MACROD2: variants seen among roughly 807,000 people sequenced by gnomAD.
MACROD2 encodes the protein mono-ADP ribosylhydrolase 2, also known as ADP-ribose glycohydrolase MACROD2.
MACROD2 carries 36 observed loss-of-function variants against 70.4 expected under a neutral mutation model. The observed-to-expected ratio is 0.51, with a 90% CI of 0.39 to 0.68. The LOEUF (loss-of-function observed/expected upper bound fraction) is 0.68, where lower values mean the gene tolerates loss of function less well. Among genes scored for constraint, MACROD2 ranks in the 30% least tolerant of loss-of-function variants. The probability of loss-of-function intolerance (pLI) is 0.00; values close to 1 mark genes in which losing one functional copy is unlikely to be tolerated. For missense variants in MACROD2, 496 were observed against 538.4 expected, an observed-to-expected ratio of 0.92 and a Z score of 0.78; for synonymous variants, 172 against 178.8, an observed-to-expected ratio of 0.96 and a Z score of 0.30.
At chr20:14,265,029 C>T (rs1489972704) in intron 3 of MACROD2, among the ~76,000 whole-genome samples, 1 of 152,182 alleles carries the variant, frequency 6.6e-6, no homozygotes, top group Non-Finnish European at 1.5e-5. Flanking sequence ...TGTTTAGTAG[C>T]CTTTGCTCAG....
intron 4 of MACROD2, among the ~76,000 whole-genome samples, chr20:14,675,949 CAA>C (rs1292924020): frequency 6.6e-6 from 1 of 151,778 alleles, no homozygotes; most frequent in Non-Finnish European, 1.5e-5. Context: ...AAAAAAAAGA[CAA>C]AGGCATTACA....
intron 3 of MACROD2, among the ~76,000 whole-genome samples, chr20:14,110,458 G>C (rs937041046): frequency 1.4e-4 from 21 of 151,968 alleles, no homozygotes; most frequent in African/African-American, 5.1e-4. Context: ...TTTTCAGATG[G>C]TATGATCTTA....
intron 3 of MACROD2, among the ~76,000 whole-genome samples, chr20:14,268,307 T>C (rs2082161194): frequency 6.6e-6 from 1 of 152,156 alleles, no homozygotes. Flanking sequence ...ATTTTATCAG[T>C]TGTGTCAAAA....
intron 8 of MACROD2, among the ~76,000 whole-genome samples, chr20:15,539,710 G>A (rs572259117): frequency 2.0e-5 from 3 of 152,280 alleles, no homozygotes; most frequent in East Asian, 3.9e-4. Flanking sequence ...TTCTTGAGCC[G>A]GGCACGGTGG....
intron 8 of MACROD2, among the ~76,000 whole-genome samples, chr20:15,576,556 T>TA (rs2048450815): frequency 6.6e-6 from 1 of 151,534 alleles, no homozygotes; most frequent in Non-Finnish European, 1.5e-5. Flanking sequence ...CAAAATGTTT[T>TA]TTTTTTTTCT....
At chr20:14,194,622 G>C (rs545466395) in intron 3 of MACROD2, among the ~76,000 whole-genome samples, 7 of 152,308 alleles carry the variant, frequency 4.6e-5, no homozygotes, top group African/African-American at 1.7e-4. Flanking sequence ...GTAAGTGACA[G>C]CTTCCCCTGA....
At chr20:15,393,205 T>C (rs955100973) in intron 6 of MACROD2, among the ~76,000 whole-genome samples, 7 of 152,200 alleles carry the variant, frequency 4.6e-5, no homozygotes, top group Non-Finnish European at 7.3e-5. Flanking sequence ...CACAGCATCT[T>C]GGGTGCTACA....
chr20:14,910,710 T>C (rs549087527), intron 5 of MACROD2, among the ~76,000 whole-genome samples: 7 of 152,302 alleles, frequency 4.6e-5, no homozygotes, highest in African/African-American at 1.7e-4. Context: ...TCTTTGCATC[T>C]TGGAGACTCA....
intron 7 of MACROD2, among the ~76,000 whole-genome samples, chr20:15,497,751 C>G (rs1309417746): frequency 1.3e-5 from 2 of 152,136 alleles, no homozygotes; most frequent in Non-Finnish European, 2.9e-5. Context: ...CTCAAATATT[C>G]TATTATTTCC....
chr20:14,075,433 T>C (rs1398756597), intron 2 of MACROD2, among the ~76,000 whole-genome samples: 1 of 152,186 alleles, frequency 6.6e-6, no homozygotes, highest in South Asian at 2.1e-4. Flanking sequence ...TTGGAACATA[T>C]TCCCTGTGGA....
chr20:15,705,366 T>G (rs1243309284), intron 8 of MACROD2, among the ~76,000 whole-genome samples: 1 of 152,172 alleles, frequency 6.6e-6, no homozygotes, highest in Non-Finnish European at 1.5e-5. Context: ...CCAGTTTAAT[T>G]ATCATCCTAC....
chr20:14,679,536 A>G (rs1417636797), intron 4 of MACROD2, among the ~76,000 whole-genome samples: 1 of 152,232 alleles, frequency 6.6e-6, no homozygotes, highest in Non-Finnish European at 1.5e-5. Flanking sequence ...AACAACAAAC[A>G]TGACTTTAAT....
Position 15,454,406 on chromosome 20 carries a change from A to AACACACACAC in MACROD2, c.571+23010_571+23019dup, listed in dbSNP as rs10523169. Among the ~76,000 whole-genome samples the AACACACACAC allele has an allele frequency of 7.7e-3, 1,058 of 137,496 alleles. 12 individuals carry two copies. The highest frequency in any genetic ancestry group is 0.028 in the African/African-American group (980 of 35,018). 90.2% of individuals were successfully genotyped at this position (137,496 alleles called of 152,430 possible). A position where few individuals can be genotyped will look rare whatever the true frequency, so the allele number is the denominator to read the frequency against. ...ATATCCCTCTCATTTGACATATTCA[A>AACACACACAC]ACACACACACACACACACACACACA... On this transcript the variant is annotated intron_variant, in intron 7 of 17. Transcript: ENST00000684519.
intron 6 of MACROD2, among the ~76,000 whole-genome samples, chr20:15,368,825 C>G (rs1156572365): frequency 6.6e-6 from 1 of 152,110 alleles, no homozygotes; most frequent in African/African-American, 2.4e-5. Flanking sequence ...GCGGCAGTTG[C>G]TAGTTTCAAC....
intron 10 of MACROD2, among the ~76,000 whole-genome samples, chr20:15,902,424 G>T (rs1250978999): frequency 6.6e-6 from 1 of 151,978 alleles, no homozygotes; most frequent in Non-Finnish European, 1.5e-5. Context: ...GATAAAAAAT[G>T]GATACAATGT....
chr20:14,341,109 ACATT>A (rs2083008505), intron 3 of MACROD2, among the ~76,000 whole-genome samples: 1 of 152,208 alleles, frequency 6.6e-6, no homozygotes, highest in Non-Finnish European at 1.5e-5. Context: ...CCTCATTCAC[ACATT>A]CATTCATTCA....
intron 6 of MACROD2, among the ~76,000 whole-genome samples, chr20:15,398,642 A>G (rs1381828692): frequency 6.6e-6 from 1 of 152,202 alleles, no homozygotes; most frequent in Non-Finnish European, 1.5e-5. Context: ...CAGGGTTGGT[A>G]TGGCTCATTA....
intron 8 of MACROD2, among the ~76,000 whole-genome samples, chr20:15,715,378 A>C (rs1485289010): frequency 2.0e-5 from 3 of 152,202 alleles, no homozygotes; most frequent in Non-Finnish European, 2.9e-5. Flanking sequence ...CTTGGGGATG[A>C]AAACAATTAT....
intron 4 of MACROD2, among the ~76,000 whole-genome samples, chr20:14,600,343 TACACACACAC>T: frequency 7.7e-6 from 1 of 130,222 alleles, no homozygotes; most frequent in Non-Finnish European, 1.6e-5. Context: ...TATATATATA[TACACACACAC>T]ACACACACAC....
Sources: gnomAD v4.1 joint callset for allele counts (sites outside exome capture counted in the v4.1 genomes callset) on GRCh38, gnomAD v4.1.1 for gene constraint, MANE v1.5 for transcripts, NCBI Gene and HGNC (gene_info 2026-07-23, HGNC 2026-07-21) for gene names.